COMMD1: variants seen among roughly 807,000 people sequenced by gnomAD.
The protein encoded by COMMD1 is copper metabolism domain containing 1.
Under a neutral mutation model 17.2 loss-of-function variants are expected in COMMD1, and 10 were observed. The ratio of observed to expected loss-of-function variants is 0.58; its 90% CI spans 0.36 to 0.99. The LOEUF is 0.99. Ranked by LOEUF, COMMD1 falls within the 50% of genes least tolerant of loss-of-function variation. The probability of loss-of-function intolerance (pLI) is 0.01; values close to 1 mark genes in which losing one functional copy is unlikely to be tolerated. For synonymous variants in COMMD1, 97 were observed against 91.6 expected (o/e 1.06, Z -0.34); for missense variants, 270 against 231.8 (o/e 1.17, Z -1.07).
At chr2:61,901,978 A>G (rs1349934021), upstream of COMMD1, among the ~76,000 whole-genome samples, 2 of 151,848 alleles carry the variant, frequency 1.3e-5, no homozygotes, top group Non-Finnish European at 2.9e-5. Context: ...GACTACAGGC[A>G]CGCGCCATCA....
chr2:62,130,616 C>G (rs975051688), intron 2 of COMMD1, among the ~76,000 whole-genome samples: 2 of 152,124 alleles, frequency 1.3e-5, no homozygotes, highest in Non-Finnish European at 2.9e-5. Flanking sequence ...GAAAATTTTG[C>G]ATGGGAAGTA....
chr2:61,958,038 C>T (rs1420381141), intron 1 of COMMD1, among the ~76,000 whole-genome samples: 1 of 152,144 alleles, frequency 6.6e-6, no homozygotes, highest in Non-Finnish European at 1.5e-5. Context: ...AATGAAGGCT[C>T]ATTTTAAGTT....
At chr2:62,087,897 T>G (rs1226654883) in intron 2 of COMMD1, among the ~76,000 whole-genome samples, 4 of 152,360 alleles carry the variant, frequency 2.6e-5, no homozygotes, top group African/African-American at 9.6e-5. Flanking sequence ...TTCATTAAAA[T>G]GTAGTCTATA....
intron 1 of COMMD1, among the ~76,000 whole-genome samples, chr2:61,957,295 T>G (rs1671224679): frequency 6.6e-6 from 1 of 152,128 alleles, no homozygotes; most frequent in South Asian, 2.1e-4. Flanking sequence ...GAGTGGTCTT[T>G]CTGCTTCTGT....
intron 1 of COMMD1, among the ~76,000 whole-genome samples, chr2:61,941,649 G>C: frequency 6.6e-6 from 1 of 152,180 alleles, no homozygotes; most frequent in East Asian, 1.9e-4. Context: ...CCACTAGGCT[G>C]GTTGTTGTCT....
intron 1 of COMMD1, among the ~76,000 whole-genome samples, chr2:61,918,187 T>C (rs2105188908): frequency 6.6e-6 from 1 of 152,352 alleles, no homozygotes; most frequent in South Asian, 2.1e-4. Context: ...CAAAAAGATG[T>C]CTAAATATTT....
chr2:62,073,426 C>T (rs1174458774), intron 2 of COMMD1, among the ~76,000 whole-genome samples: 1 of 152,212 alleles, frequency 6.6e-6, no homozygotes, highest in Non-Finnish European at 1.5e-5. Context: ...CCTAAGCATT[C>T]CTTTCTACCA....
upstream of COMMD1, among the ~76,000 whole-genome samples, chr2:61,902,447 G>C (rs1372758133): frequency 3.3e-5 from 5 of 151,510 alleles, no homozygotes; most frequent in African/African-American, 1.2e-4. Flanking sequence ...CGGAGGTTGT[G>C]GTGAGCCGAG....
chr2:62,001,920 C>A (rs183032674), intron 2 of COMMD1, among the ~76,000 whole-genome samples: 40 of 152,166 alleles, frequency 2.6e-4, no homozygotes, highest in Non-Finnish European at 5.0e-4. Context: ...GTAACCCCAG[C>A]ACTTTGGGAG....
intron 2 of COMMD1, among the ~76,000 whole-genome samples, chr2:62,111,777 A>G (rs997018081): frequency 9.9e-5 from 15 of 152,176 alleles, no homozygotes; most frequent in Admixed American, 3.3e-4. Context: ...AGTACTCACC[A>G]TGCCAAAGTG....
intron 2 of COMMD1, among the ~76,000 whole-genome samples, chr2:62,107,181 T>G (rs1672343193): frequency 6.6e-6 from 1 of 152,236 alleles, no homozygotes. Flanking sequence ...TTAAGTTATT[T>G]AGCAATCTGT....
intron 1 of COMMD1, among the ~76,000 whole-genome samples, chr2:61,928,378 C>T (rs1011721268): frequency 9.2e-5 from 14 of 151,980 alleles, no homozygotes; most frequent in Non-Finnish European, 1.8e-4. Context: ...CCAGGCTGTT[C>T]TCAAACTCCT....
At chr2:62,026,172 G>A (rs946108550) in intron 2 of COMMD1, among the ~76,000 whole-genome samples, 3 of 152,080 alleles carry the variant, frequency 2.0e-5, no homozygotes, top group Non-Finnish European at 2.9e-5. Flanking sequence ...GTATTAGGCC[G>A]TTCTTTCTTT....
At chr2:61,888,460 G>C (rs776302850), upstream of COMMD1, 46 of 1,611,540 alleles carry the variant, frequency 2.9e-5, no homozygotes, top group Middle Eastern at 1.7e-4. Context: ...CGCGGCCGCC[G>C]GCAGCCCCGG....
chr2:61,950,566 G>A (rs571433828), intron 1 of COMMD1, among the ~76,000 whole-genome samples: 1 of 152,296 alleles, frequency 6.6e-6, no homozygotes, highest in South Asian at 2.1e-4. Flanking sequence ...CCTGGCCAAG[G>A]AATGCTAAGG....
At chr2:61,965,749 T>TA (rs1404803784) in intron 1 of COMMD1, among the ~76,000 whole-genome samples, 1 of 152,218 alleles carries the variant, frequency 6.6e-6, no homozygotes, top group East Asian at 1.9e-4. Flanking sequence ...TTTGGAGCCT[T>TA]AAAGTCCAGC....
At chr2:61,917,606 C>G (rs1314246467) in intron 1 of COMMD1, among the ~76,000 whole-genome samples, 1 of 152,072 alleles carries the variant, frequency 6.6e-6, no homozygotes, top group Non-Finnish European at 1.5e-5. Context: ...CGGCTCACTG[C>G]AAGCTCTGCC....
intron 1 of COMMD1, among the ~76,000 whole-genome samples, chr2:61,924,002 CAT>C (rs1048845618): frequency 2.6e-5 from 4 of 152,164 alleles, no homozygotes; most frequent in Non-Finnish European, 4.4e-5. Context: ...ATCTTGAACT[CAT>C]GTGCTCAAGC....
intron 2 of COMMD1, among the ~76,000 whole-genome samples, chr2:62,065,602 G>T (rs937737557): frequency 1.3e-5 from 2 of 152,016 alleles, no homozygotes; most frequent in African/African-American, 4.8e-5. Context: ...TTACAGGCAT[G>T]AGCCACCACA....
Sources: gnomAD v4.1 joint callset for allele counts (sites outside exome capture counted in the v4.1 genomes callset) on GRCh38, gnomAD v4.1.1 for gene constraint, MANE v1.5 for transcripts, NCBI Gene and HGNC (gene_info 2026-07-23, HGNC 2026-07-21) for gene names.